The following POLR2F variants were observed in gnomAD, a reference collection of about 807,000 sequenced individuals.
POLR2F encodes DNA-directed RNA polymerases I, II, and III subunit RPABC2.
A neutral mutation model predicts 22.7 loss-of-function variants in POLR2F; 12 were observed. That is an observed-to-expected ratio of 0.53 (90% CI 0.34 to 0.86). The LOEUF (loss-of-function observed/expected upper bound fraction) is 0.86. POLR2F is among the 40% of genes least tolerant of loss of function. The pLI is 0.02. For synonymous variants in POLR2F, 57 were observed against 66.0 expected, an observed-to-expected ratio of 0.86 and a Z score of 0.66; for missense variants, 126 against 171.5, an observed-to-expected ratio of 0.73 and a Z score of 1.48.
At chr22:37,989,411 G>A (rs895808001) in intron 1 of POLR2F, among the ~76,000 whole-genome samples, 1 of 152,180 alleles carries the variant, frequency 6.6e-6, no homozygotes, top group Non-Finnish European at 1.5e-5. Flanking sequence ...TATTAACCGA[G>A]CAGCCACCAC....
At chr22:37,998,931 C>T (rs1393342854) in intron 1 of POLR2F, among the ~76,000 whole-genome samples, 2 of 151,982 alleles carry the variant, frequency 1.3e-5, no homozygotes, top group African/African-American at 2.4e-5. Context: ...TACAGGAGCC[C>T]GCCCTGGTAG....
downstream of POLR2F, chr22:38,041,223 C>T: frequency 6.7e-7 from 1 of 1,482,198 alleles, no homozygotes; most frequent in Non-Finnish European, 9.3e-7. Flanking sequence ...AGGACACGGT[C>T]TAGACTGATG....
intron 1 of POLR2F, among the ~76,000 whole-genome samples, chr22:38,018,918 G>T (rs555564143): frequency 3.3e-5 from 5 of 152,260 alleles, no homozygotes; most frequent in Non-Finnish European, 7.4e-5. Flanking sequence ...AGGATGGCTC[G>T]GGCACATGAA....
chr22:38,018,521 C>T (rs2084933559), intron 1 of POLR2F, among the ~76,000 whole-genome samples: 1 of 152,022 alleles, frequency 6.6e-6, no homozygotes, highest in South Asian at 2.1e-4. Flanking sequence ...GGGGTCAAGG[C>T]CTCAGGCTAT....
intron 1 of POLR2F, among the ~76,000 whole-genome samples, chr22:38,010,342 T>G (rs1030297443): frequency 3.3e-5 from 5 of 151,062 alleles, no homozygotes; most frequent in African/African-American, 1.2e-4. Context: ...AGCACTGCAC[T>G]CCAGCCTGGG....
At chr22:38,037,035 T>C (rs541890343) in intron 5 of POLR2F, among the ~76,000 whole-genome samples, 1 of 152,308 alleles carries the variant, frequency 6.6e-6, no homozygotes, top group East Asian at 1.9e-4. Flanking sequence ...CTTTGTTTTT[T>C]ATTCTGGAAC....
At chr22:38,025,300 T>C (rs774032745) in intron 1 of POLR2F, among the ~76,000 whole-genome samples, 4 of 151,994 alleles carry the variant, frequency 2.6e-5, no homozygotes, top group Admixed American at 1.3e-4. Context: ...ACAGATGCAC[T>C]TGCAATCACA....
In POLR2F at chr22:37,978,003, CT is replaced by C. The variant is rs1601882333; in HGVS notation, c.293+10834del. ...CGGCCTCCCCACCGGGGCACTCCGC[CT>C]CGCCCTGGGCGGCCTTCCCGTTCTT... On this transcript the variant is annotated intron_variant, in intron 4 of 4. Coordinates refer to the POLR2F transcript ENST00000405557. The surrounding 1 kb of genome is among the most constrained non-coding windows in gnomAD (Gnocchi z 5.0). The C allele has an allele frequency of 6.2e-7, 1 of 1,611,854 alleles. No homozygotes were observed.
At chr22:38,007,190 C>G (rs2084829226) in intron 1 of POLR2F, among the ~76,000 whole-genome samples, 1 of 152,136 alleles carries the variant, frequency 6.6e-6, no homozygotes, top group African/African-American at 2.4e-5. Context: ...CCGTGAAAAT[C>G]TGGATGAGAG....
At chr22:37,989,667 CTG>C (rs2145786944) in intron 1 of POLR2F, among the ~76,000 whole-genome samples, 1 of 152,358 alleles carries the variant, frequency 6.6e-6, no homozygotes, top group East Asian at 1.9e-4. Context: ...AGGGAGGAAA[CTG>C]AGGCACAAAG....
intron 1 of POLR2F, among the ~76,000 whole-genome samples, chr22:38,006,717 GGAA>G (rs1317165236): frequency 6.6e-6 from 1 of 152,196 alleles, no homozygotes; most frequent in Non-Finnish European, 1.5e-5. Flanking sequence ...CAGCAACGGG[GGAA>G]GGACAGGGAA....
chr22:38,022,384 T>C (rs1053220852), intron 1 of POLR2F, among the ~76,000 whole-genome samples: 2 of 151,394 alleles, frequency 1.3e-5, no homozygotes, highest in Admixed American at 6.6e-5. Context: ...AAACCCTGTC[T>C]CTACTAAAAA....
upstream of POLR2F, chr22:37,983,948 C>A: frequency 2.3e-6 from 1 of 444,444 alleles, no homozygotes; most frequent in Non-Finnish European, 3.6e-6. The surrounding 1 kb of genome is among the most constrained non-coding windows in gnomAD (Gnocchi z 9.5). Flanking sequence ...GGCACAGCCC[C>A]GAGGTGGCGG....
intron 5 of POLR2F, among the ~76,000 whole-genome samples, chr22:38,039,663 C>G (rs913821481): frequency 3.9e-5 from 6 of 152,232 alleles, no homozygotes; most frequent in African/African-American, 1.4e-4. Flanking sequence ...CCTGCCTCCA[C>G]AGAGGCGCAA....
Position 38,001,635 on chromosome 22 carries a change from C to T in POLR2F, c.120+15323C>T, listed in dbSNP as rs1005696310. Among the ~76,000 whole-genome samples the T allele has an allele frequency of 7.2e-5, 11 of 152,086 alleles. No homozygotes were observed. The South Asian group carries it at 1.0e-3, about 14-fold the overall frequency. ...GCAACCTCTGCCTCCCAGGTTCAAG[C>T]GATTCTCCTGCCTCAGCCTCCTGAG... On this transcript the variant is annotated intron_variant, in intron 1 of 2. Transcript: ENST00000333418.
intron 1 of POLR2F, among the ~76,000 whole-genome samples, chr22:37,999,118 C>G (rs1177089795): frequency 1.3e-5 from 2 of 152,160 alleles, no homozygotes; most frequent in Non-Finnish European, 2.9e-5. Context: ...GCAGCTGGCC[C>G]TGAGTTCCTG....
exon 2 of POLR2F, chr22:38,025,869 G>T (rs1391598476): frequency 1.3e-5 from 13 of 983,630 alleles, no homozygotes; most frequent in Non-Finnish European, 2.0e-5. Flanking sequence ...TCCTCCCCAG[G>T]GCTGGGACCG....
Position 38,017,014 on chromosome 22 carries a change from C to T in POLR2F, c.121-8855C>T, listed in dbSNP as rs2084921743. On this transcript the variant is annotated intron_variant, in intron 1 of 2. Coordinates refer to the POLR2F transcript ENST00000333418. The surrounding 1 kb of genome is among the most constrained non-coding windows in gnomAD (Gnocchi z 4.1). ...CGCAAGGGGCCAGCCAGCCCCCCAC[C>T]CCAGCCTCTGCTGCCTGGCACCAGG... Among the ~76,000 whole-genome samples the T allele has an allele frequency of 6.6e-6, 1 of 152,106 alleles. No individual in the cohort carries two copies. The highest frequency in any genetic ancestry group is 6.5e-5 in the Admixed American group (1 of 15,282).
intron 1 of POLR2F, among the ~76,000 whole-genome samples, chr22:37,996,446 C>T (rs1291200145): frequency 1.3e-5 from 2 of 152,226 alleles, no homozygotes; most frequent in Non-Finnish European, 2.9e-5. Flanking sequence ...GACAGAAATC[C>T]AGTTCTGGGC....
Sources: allele counts gnomAD v4.1 joint callset (sites outside exome capture counted in the v4.1 genomes callset), GRCh38; gene constraint gnomAD v4.1.1; non-coding constraint Gnocchi (gnomAD v3.1); transcripts MANE v1.5; gene names NCBI Gene and HGNC (gene_info 2026-07-23, HGNC 2026-07-21).